CEP126: variants seen among roughly 807,000 people sequenced by gnomAD.
The protein encoded by CEP126 is centrosomal protein of 126 kDa.
CEP126 carries 74 observed loss-of-function variants against 107.8 expected under a neutral mutation model. The observed-to-expected ratio is 0.69, with a 90% confidence interval of 0.57 to 0.83. CEP126 has a LOEUF of 0.83. Ranked by LOEUF, CEP126 falls within the 40% of genes least tolerant of loss-of-function variation. The probability of loss-of-function intolerance (pLI) is 0.00; values close to 1 mark genes in which losing one functional copy is unlikely to be tolerated. For synonymous variants in CEP126, 449 were observed against 446.0 expected (o/e 1.01, Z -0.08); for missense variants, 1,237 against 1,281.9 (o/e 0.96, Z 0.53).
intron 3 of CEP126, among the ~76,000 whole-genome samples, chr11:101,945,869 A>G (rs1940728442): frequency 6.6e-6 from 1 of 152,158 alleles, no homozygotes; most frequent in African/African-American, 2.4e-5. Flanking sequence ...ATGTGGGTAT[A>G]TTGCTACCCC....
At chr11:101,928,462 T>G (rs1306969229) in intron 2 of CEP126, among the ~76,000 whole-genome samples, 1 of 152,220 alleles carries the variant, frequency 6.6e-6, no homozygotes, top group Non-Finnish European at 1.5e-5. Context: ...GAAGATTTTC[T>G]CCTGTGTTTT....
chr11:101,936,605 A>T (rs1158628246), intron 2 of CEP126, among the ~76,000 whole-genome samples: 4 of 152,108 alleles, frequency 2.6e-5, no homozygotes, highest in Non-Finnish European at 5.9e-5. Context: ...GCAAATGGGG[A>T]CTAGAAGTAG....
intron 2 of CEP126, among the ~76,000 whole-genome samples, chr11:101,938,449 T>C (rs148909674): frequency 6.6e-6 from 1 of 151,700 alleles, no homozygotes; most frequent in African/African-American, 2.4e-5. Context: ...TTCTTTTTAT[T>C]AGATTCTTTC....
intron 1 of CEP126, among the ~76,000 whole-genome samples, chr11:101,922,059 A>G (rs1392579894): frequency 6.6e-6 from 1 of 151,848 alleles, no homozygotes; most frequent in Non-Finnish European, 1.5e-5. Flanking sequence ...TGTTGGGATT[A>G]CAGGTGTGAG....
At chr11:101,975,829 C>T (rs1454669761) in intron 6 of CEP126, among the ~76,000 whole-genome samples, 2 of 152,148 alleles carry the variant, frequency 1.3e-5, no homozygotes, top group African/African-American at 2.4e-5. Flanking sequence ...TAAGTGAGAA[C>T]ATGCAGTATT....
At chr11:101,926,411 G>T (rs1052395073) in intron 2 of CEP126, among the ~76,000 whole-genome samples, 4 of 152,242 alleles carry the variant, frequency 2.6e-5, no homozygotes, top group African/African-American at 9.6e-5. Flanking sequence ...AGAGTATCAG[G>T]AGAGGAAGTT....
chr11:101,982,772 C>T (rs1008955876), intron 8 of CEP126, among the ~76,000 whole-genome samples: 2 of 152,080 alleles, frequency 1.3e-5, no homozygotes, highest in Admixed American at 1.3e-4. Flanking sequence ...TGTAGAATAT[C>T]CCTAATCCAA....
intron 4 of CEP126, among the ~76,000 whole-genome samples, chr11:101,953,780 A>G (rs1302249729): frequency 1.3e-5 from 2 of 152,174 alleles, no homozygotes; most frequent in Non-Finnish European, 2.9e-5. Context: ...TGTGGTAGTA[A>G]TATAATTTAC....
intron 2 of CEP126, among the ~76,000 whole-genome samples, chr11:101,936,980 G>A (rs4754818): frequency 0.059 from 8,941 of 152,198 alleles, 485 homozygotes; most frequent in East Asian, 0.27. Flanking sequence ...TAGAAGTGTT[G>A]TGGATTTTAA....
At chr11:101,959,624 AAC>A in intron 5 of CEP126, among the ~76,000 whole-genome samples, 1 of 152,254 alleles carries the variant, frequency 6.6e-6, no homozygotes, top group East Asian at 1.9e-4. Flanking sequence ...TGATGGAATT[AAC>A]CAACAAGGAA....
intron 6 of CEP126, among the ~76,000 whole-genome samples, chr11:101,967,405 C>T (rs1051586168): frequency 6.6e-6 from 1 of 152,150 alleles, no homozygotes; most frequent in African/African-American, 2.4e-5. Flanking sequence ...AGCCCTTCCC[C>T]GCCCAGGGGG....
intron 8 of CEP126, among the ~76,000 whole-genome samples, chr11:101,984,405 A>T (rs1941292563): frequency 6.6e-6 from 1 of 152,226 alleles, no homozygotes; most frequent in Non-Finnish European, 1.5e-5. Flanking sequence ...ACGTAAGCAA[A>T]AAAATATACC....
intron 9 of CEP126, among the ~76,000 whole-genome samples, chr11:101,989,769 C>T (rs902146151): frequency 6.6e-6 from 1 of 152,086 alleles, no homozygotes; most frequent in Non-Finnish European, 1.5e-5. Context: ...ACCATCCTGA[C>T]TAACTCGGTG....
rs148228595 is a variant in CEP126, at chr11:101,944,375, G to A, written c.359G>A (p.Arg120His). The A allele has an allele frequency of 2.2e-4, 350 of 1,611,274 alleles. 1 individual carries two copies. The highest frequency in any genetic ancestry group is 2.7e-4 in the Non-Finnish European group (322 of 1,178,988). Residue 120 changes from arginine (R) to histidine (H), a missense_variant, in exon 3 of 11, where the codon CGT becomes CAT. Arg to His is a conservative substitution (Grantham distance 29, BLOSUM62 0). This residue lies in a region of CEP126 where 1,134 missense variants were observed against 1,150.5 expected (regional missense o/e 0.99). Coordinates refer to ENST00000263468, the MANE Select transcript of CEP126 (RefSeq NM_020802.4). Reference protein sequence around the residue: ...KFEEVTEKFQRAHVPLSQRRK... With the variant: ...KFEEVTEKFQHAHVPLSQRRK... The stretch of plus-strand genomic sequence containing the variant: ...GAAGAAGTTACTGAAAAATTCCAGC[G>A]TGCCCATGTTCCTCTTTCACAGCGG...
chr11:101,923,718 C>A (rs1940366236), intron 2 of CEP126, among the ~76,000 whole-genome samples: 1 of 152,032 alleles, frequency 6.6e-6, no homozygotes, highest in South Asian at 2.1e-4. Flanking sequence ...CTATAAACGG[C>A]GTGTGACAGG....
chr11:101,999,206 T>A lies in CEP126; in HGVS notation c.*1563T>A, dbSNP rs981975555. ...AAATTCTGTGAATTAAGATGTAATT[T>A]ATAAAATAACATTTCAATGGGGGTA... On this transcript the variant is annotated 3_prime_UTR_variant, in exon 11 of 11. Transcript: ENST00000263468. 2 of 152,052 alleles carry A rather than the reference T, an allele frequency of 1.3e-5. No individual in the cohort carries two copies. The highest frequency in any genetic ancestry group is 2.9e-5 in the Non-Finnish European group (2 of 68,022). 9.4% of individuals were successfully genotyped at this position (152,052 alleles called of 1,614,324 possible).
In CEP126 at chr11:101,997,696, T is replaced by A. The variant is rs1941459647; in HGVS notation, c.*53T>A. The A allele has an allele frequency of 1.9e-6, 3 of 1,609,988 alleles. No individual in the cohort carries two copies. The East Asian group carries it at 6.7e-5, about 36-fold the overall frequency. On this transcript the variant is annotated 3_prime_UTR_variant, in exon 11 of 11. Transcript: ENST00000263468. The stretch of plus-strand genomic sequence containing the variant: ...TTTCATGTACTTCCCTAGGACTAGA[T>A]GCATACCGTTTTGTGAAAACCAGCC...
At position 101,961,953 on chromosome 11, in the gene CEP126, TC is replaced by T; in HGVS notation, c.919del (p.Gln307AsnfsTer3). On this transcript the variant is annotated frameshift_variant, in exon 6 of 11. Transcript: ENST00000263468. LOFTEE classifies it high-confidence loss of function. ...AAGATAAACTGGCATTCTCTAAAAC[TC>T]AACATATAAATAATTGGCTTACAAA... ...DEDKLAFSKT[Q>X]HINNWLTNLD... 1 of 1,610,370 alleles carries T rather than the reference TC, an allele frequency of 6.2e-7. No homozygotes were observed. Among genetic ancestry groups the T allele is most frequent in the African/African-American group, 1.3e-5 (1 of 74,878 alleles).
At chr11:101,976,689 C>T (rs1408389937) in intron 6 of CEP126, among the ~76,000 whole-genome samples, 1 of 152,186 alleles carries the variant, frequency 6.6e-6, no homozygotes, top group African/African-American at 2.4e-5. Context: ...CATCTTTGTA[C>T]ATAATGTTCT....
Sources: allele counts gnomAD v4.1 joint callset (sites outside exome capture counted in the v4.1 genomes callset), GRCh38; gene constraint gnomAD v4.1.1; regional missense constraint gnomAD v4.1.1; transcripts MANE v1.5; gene names NCBI Gene and HGNC (gene_info 2026-07-23, HGNC 2026-07-21).